PDCD11: variants seen among roughly 807,000 people sequenced by gnomAD.
PDCD11 encodes the protein programmed cell death 11.
Under a neutral mutation model 198.9 loss-of-function variants are expected in PDCD11, and 97 were observed. That is an observed-to-expected ratio of 0.49 (90% CI 0.41 to 0.58). The LOEUF (loss-of-function observed/expected upper bound fraction) is 0.58. Ranked by LOEUF, PDCD11 falls within the 20% of genes least tolerant of loss-of-function variation. PDCD11 has a pLI of 0.00. For missense variants in PDCD11, 2,102 were observed against 2,312.7 expected (o/e 0.91, Z 1.87); for synonymous variants, 893 against 918.0 (o/e 0.97, Z 0.49).
intron 21 of PDCD11, 72 bp downstream of exon 21, chr10:103,427,463 A>G: frequency 8.0e-7 from 1 of 1,246,170 alleles, no homozygotes; most frequent in Non-Finnish European, 1.1e-6. Context: ...CCCGAATTCG[A>G]ATCTTGATTT....
chr10:103,406,079 C>T lies in PDCD11; in HGVS notation c.659C>T (p.Ala220Val). The change falls in exon 6 of 36, where the codon GCC becomes GTC. Residue 220 changes from alanine (A) to valine (V), a missense_variant. Physicochemically the swap from Ala to Val is moderately conservative, Grantham distance 64. Coordinates refer to ENST00000369797, the MANE Select transcript of PDCD11 (RefSeq NM_014976.2). ...AGAGCTTTTCTGCCACTGCTGAAAG[C>T]CCAGGAGTACATCAGACAGAAGAAC... is the stretch of plus-strand genomic sequence containing the variant. ...GTRAFLPLLK[A>V]QEYIRQKNKG... The T allele has an allele frequency of 6.2e-7, 1 of 1,614,078 alleles. No individual in the cohort carries two copies.
intron 17 of PDCD11, among the ~76,000 whole-genome samples, 162 bp downstream of exon 17, chr10:103,421,729 C>T (rs930470177): frequency 6.6e-6 from 1 of 151,894 alleles, no homozygotes; most frequent in Non-Finnish European, 1.5e-5. Flanking sequence ...CTTTGGGAGG[C>T]CGAGGCGGGT....
intron 16 of PDCD11, among the ~76,000 whole-genome samples, chr10:103,419,942 A>G (rs1255498516): frequency 6.8e-6 from 1 of 146,976 alleles, no homozygotes; most frequent in African/African-American, 2.5e-5. Context: ...GGTGCCCACC[A>G]ACATGCCAGG....
In PDCD11 at chr10:103,421,440, G is replaced by C. The variant is rs764634531; in HGVS notation, c.2370G>C (p.Lys790Asn). The change falls in exon 17 of 36, where the codon AAG becomes AAC. Residue 790 changes from lysine to asparagine, a missense_variant. Lys to Asn is a moderately conservative substitution (Grantham distance 94, BLOSUM62 0). Coordinates refer to ENST00000369797, the MANE Select transcript of PDCD11 (RefSeq NM_014976.2). ...AGGTGACCAATGTGGATGAGGAGAA[G>C]CAGCGGATGCTGCTGTCACTGCGGC... ...AAKVTNVDEE[K>N]QRMLLSLRLS... The C allele has an allele frequency of 2.5e-6, 4 of 1,606,312 alleles. No homozygotes were observed. The highest frequency in any genetic ancestry group is 1.7e-5 in the Admixed American group (1 of 58,582).
intron 12 of PDCD11, among the ~76,000 whole-genome samples, chr10:103,416,002 A>G (rs2031086636): frequency 1.3e-5 from 2 of 152,224 alleles, no homozygotes; most frequent in African/African-American, 4.8e-5. Flanking sequence ...GCAAAATTTT[A>G]CAGTAGTGGG....
At chr10:103,422,922 C>T (rs2031517555) in intron 17 of PDCD11, 66 bp from the exon 18 acceptor site, 2 of 1,353,764 alleles carry the variant, frequency 1.5e-6, no homozygotes, top group Non-Finnish European at 1.9e-6. Flanking sequence ...AGCACACTGC[C>T]AGAGGAAAAG....
chr10:103,397,211 C>CTTTT (rs11316851), intron 1 of PDCD11, among the ~76,000 whole-genome samples: 3 of 124,836 alleles, frequency 2.4e-5, no homozygotes, highest in Admixed American at 8.3e-5. Flanking sequence ...CATTTGAATC[C>CTTTT]TTTTTTTTTT....
chr10:103,439,548 C>A (rs1486443061), intron 27 of PDCD11, among the ~76,000 whole-genome samples, 198 bp from the exon 28 acceptor site: 1 of 152,176 alleles, frequency 6.6e-6, no homozygotes, highest in East Asian at 1.9e-4. Context: ...GTAAAAAATA[C>A]CCTCAATCAT....
rs753073910 is a variant in PDCD11 at position 103,403,239 on chromosome 10, A to G, written c.356A>G (p.Tyr119Cys). ...FVQVTEICDA[Y>C]TKKLNEQVTQ... ...CAAGTCACTGAAATCTGTGATGCCT[A>G]CACCAAAAAGCTGAATGAGCAGGTG... is the stretch of plus-strand genomic sequence containing the variant. Residue 119 changes from tyrosine (Y) to cysteine (C), a missense_variant, in exon 4 of 36, where the codon TAC becomes TGC. By Grantham distance (194) the Tyr-to-Cys change is radical. Transcript: ENST00000369797. The G allele has an allele frequency of 6.8e-6, 11 of 1,614,098 alleles. No individual in the cohort carries two copies. In the Admixed American group the frequency reaches 8.3e-5, roughly 12 times the overall value.
chr10:103,418,721 T>C (rs1015535350), intron 15 of PDCD11, 87 bp downstream of exon 15: 1 of 1,110,812 alleles, frequency 9.0e-7, no homozygotes, highest in African/African-American at 1.6e-5. Context: ...TAGACAGCTA[T>C]TTGACCTCAG....
rs773011975 is a variant in PDCD11, at chr10:103,433,974, G to A, written c.3501G>A (p.Glu1167=). ...KKYNVVKKWL[E]VEIAPDIRGR... is the part of the protein sequence containing the mutation. ...ACAATGTGGTGAAGAAATGGCTTGAGGTGGAGATTGCCCCAGACATCCGGG... is the reference window on the plus strand; with the variant it reads ...ACAATGTGGTGAAGAAATGGCTTGAAGTGGAGATTGCCCCAGACATCCGGG... Residue 1167 remains glutamate, a synonymous_variant, in exon 23 of 36, where the codon GAG becomes GAA. Transcript: ENST00000369797. The A allele has an allele frequency of 3.0e-5, 49 of 1,613,782 alleles. No homozygotes were observed. The East Asian group carries it at 1.0e-3, about 34-fold the overall frequency.
chr10:103,418,197 G>T (rs902809649), intron 14 of PDCD11, among the ~76,000 whole-genome samples: 5 of 152,160 alleles, frequency 3.3e-5, no homozygotes, highest in African/African-American at 1.2e-4. Flanking sequence ...CTGCAGTTCT[G>T]GCTTTCCTGG....
At position 103,443,093 on chromosome 10, in the gene PDCD11, G is replaced by A. The variant is rs1003045441; in HGVS notation, c.4956-72G>A. 1.2e-5 allele frequency: 17 copies of A among 1,378,248 alleles called. No homozygotes were observed. In the African/African-American group the frequency reaches 2.5e-4, roughly 20 times the overall value. The allele number at this position is 1,378,248 out of a possible 1,614,324, so 85.4% of individuals were successfully genotyped here. ...AGGCTGGGAGGGGGAGGTGGTTCCT[G>A]AGTCTGTCTGGATGGGGCGGGAGGC... On this transcript the variant is annotated intron_variant, in intron 32 of 35. Coordinates refer to ENST00000369797, the MANE Select transcript of PDCD11 (RefSeq NM_014976.2).
chr10:103,412,302 A>G (rs986780906), intron 8 of PDCD11, among the ~76,000 whole-genome samples: 3 of 150,810 alleles, frequency 2.0e-5, no homozygotes, highest in African/African-American at 4.9e-5. Context: ...CTGGAATTAC[A>G]GGTACGTACC....
Position 103,409,825 on chromosome 10 carries a change from A to G in PDCD11, c.978+19A>G, listed in dbSNP as rs41287492. On this transcript the variant is annotated intron_variant, in intron 8 of 35. Coordinates refer to ENST00000369797, the MANE Select transcript of PDCD11 (RefSeq NM_014976.2). Reference sequence around the variant, plus strand: ...TCAGGCAGTAAGAAATGTTGAGCCTATATTTTCTTGATTCCAGTTGTGGTC... The same window carrying G: ...TCAGGCAGTAAGAAATGTTGAGCCTGTATTTTCTTGATTCCAGTTGTGGTC... 0.065 allele frequency: 102,113 copies of G among 1,575,946 alleles called. 3,795 individuals are homozygous for G. Among genetic ancestry groups the G allele is most frequent in the Middle Eastern group, 0.1 (626 of 5,978 alleles).
intron 8 of PDCD11, among the ~76,000 whole-genome samples, chr10:103,411,165 C>G (rs991247367): frequency 6.6e-6 from 1 of 152,086 alleles, no homozygotes; most frequent in Non-Finnish European, 1.5e-5. Context: ...AGTCCCCCAA[C>G]CTTGGCCTCC....
chr10:103,397,937 A>G (rs2093445802), intron 1 of PDCD11, among the ~76,000 whole-genome samples: 1 of 152,290 alleles, frequency 6.6e-6, no homozygotes, highest in African/African-American at 2.4e-5. Flanking sequence ...TTTACCCTTA[A>G]GCTAAAAAAG....
chr10:103,400,511 G>A lies in PDCD11; in HGVS notation c.217G>A (p.Glu73Lys). ...ESSKSAREKFEILSVESLCEG... is the reference protein window; with the variant it reads ...ESSKSAREKFKILSVESLCEG... Reference sequence around the variant, plus strand: ...CAGCAAGTCCGCAAGAGAGAAGTTTGAAATCCTTAGTGTTGAGGTTTGTTA... The same window carrying A: ...CAGCAAGTCCGCAAGAGAGAAGTTTAAAATCCTTAGTGTTGAGGTTTGTTA... The change falls in exon 3 of 36, where the codon GAA (glutamate) becomes AAA (lysine). Residue 73 changes from glutamate (E) to lysine (K), a missense_variant. Glu to Lys is a moderately conservative substitution (Grantham distance 56). Transcript: ENST00000369797. 6.2e-7 allele frequency: 1 copy of A among 1,613,896 alleles called. No homozygotes were observed. Among genetic ancestry groups the A allele is most frequent in the Non-Finnish European group, 8.5e-7 (1 of 1,179,938 alleles).
Position 103,424,980 on chromosome 10 carries a change from C to A in PDCD11, c.2764-4C>A, listed in dbSNP as rs148623288. 1 of 1,613,574 alleles carries A rather than the reference C, an allele frequency of 6.2e-7. No individual in the cohort carries two copies. The highest frequency in any genetic ancestry group is 1.3e-5 in the African/African-American group (1 of 74,936). The stretch of plus-strand genomic sequence containing the variant: ...GCAGGGATGGTGGCTTTTCTCTCTT[C>A]TAGCTGAGGAAAGGCAGCGAACACC... On this transcript the variant is annotated splice_polypyrimidine_tract_variant and splice_region_variant and intron_variant, in intron 19 of 35. Transcript: ENST00000369797.
Sources: allele counts gnomAD v4.1 joint callset (sites outside exome capture counted in the v4.1 genomes callset), GRCh38; gene constraint gnomAD v4.1.1; transcripts MANE v1.5; gene names NCBI Gene and HGNC (gene_info 2026-07-23, HGNC 2026-07-21).